The following CLTC variants were observed in gnomAD, a reference collection of about 807,000 sequenced individuals.
CLTC encodes clathrin heavy chain 1.
Under a neutral mutation model 195.8 loss-of-function variants are expected in CLTC, and 16 were observed. The observed-to-expected ratio is 0.08, with a 90% confidence interval of 0.06 to 0.12. The LOEUF (loss-of-function observed/expected upper bound fraction) is 0.12. Ranked by LOEUF, CLTC falls within the 10% of genes least tolerant of loss-of-function variation. The pLI is 1.00. For missense variants in CLTC, 796 were observed against 2,027.0 expected (o/e 0.39, Z 11.66); for synonymous variants, 667 against 689.4 (o/e 0.97, Z 0.51).
intron 5 of CLTC, among the ~76,000 whole-genome samples, chr17:59,654,516 T>C (rs2032415351): frequency 6.6e-6 from 1 of 152,070 alleles, no homozygotes; most frequent in Non-Finnish European, 1.5e-5. Flanking sequence ...AATCTCACTC[T>C]GTCGCCCAGG....
chr17:59,623,899 A>G (rs1162826827), intron 1 of CLTC, among the ~76,000 whole-genome samples: 1 of 152,210 alleles, frequency 6.6e-6, no homozygotes. Context: ...ACATGTGACA[A>G]TTGACTCCTA....
At chr17:59,674,874 C>T (rs1269666928) in intron 16 of CLTC, 31 bp downstream of exon 16, 1 of 1,597,016 alleles carries the variant, frequency 6.3e-7, no homozygotes, top group Non-Finnish European at 8.5e-7. Flanking sequence ...GGATAAGTTA[C>T]TCTTTCTTAA....
chr17:59,655,117 A>G (rs747787386), intron 5 of CLTC, among the ~76,000 whole-genome samples: 3 of 152,268 alleles, frequency 2.0e-5, no homozygotes, highest in Non-Finnish European at 4.4e-5. Context: ...CATTCAGCCT[A>G]TCTTGGCCTT....
intron 9 of CLTC, among the ~76,000 whole-genome samples, chr17:59,664,420 G>A (rs2032676599): frequency 6.6e-6 from 1 of 151,974 alleles, no homozygotes; most frequent in South Asian, 2.1e-4. Flanking sequence ...AGGCGTGGTG[G>A]TGTGTCTGTG....
intron 31 of CLTC, among the ~76,000 whole-genome samples, chr17:59,692,496 C>G (rs1043625807): frequency 6.6e-6 from 1 of 152,160 alleles, no homozygotes; most frequent in African/African-American, 2.4e-5. Flanking sequence ...CTTGTTTTCG[C>G]TCTCTAAGCC....
chr17:59,630,645 T>C (rs2031685865), intron 1 of CLTC, among the ~76,000 whole-genome samples: 1 of 152,354 alleles, frequency 6.6e-6, no homozygotes, highest in African/African-American at 2.4e-5. Context: ...CTGTTCTGGA[T>C]ATTTCACATA....
Position 59,693,970 on chromosome 17 carries a change from G to T in CLTC, c.*118G>T. ...GTTCTTGTAACCTTTATTTCATGAA[G>T]GACTTCTTTTTGTTTCTAACTATAA... On this transcript the variant is annotated 3_prime_UTR_variant, in exon 32 of 32. Coordinates refer to ENST00000269122, the MANE Select transcript of CLTC (RefSeq NM_004859.4). The T allele has an allele frequency of 9.1e-7, 1 of 1,098,982 alleles. No individual in the cohort carries two copies. Among genetic ancestry groups the T allele is most frequent in the Non-Finnish European group, 1.2e-6 (1 of 819,222 alleles). 68.1% of individuals were successfully genotyped at this position (1,098,982 alleles called of 1,614,324 possible).
chr17:59,636,932 C>CTTTTTTTTTTTTTT (rs771908096), intron 1 of CLTC, among the ~76,000 whole-genome samples: 8 of 103,670 alleles, frequency 7.7e-5, no homozygotes, highest in African/African-American at 1.1e-4. Flanking sequence ...CCGGCTAATT[C>CTTTTTTTTTTTTTT]TTTTTTTTTT....
Position 59,636,788 on chromosome 17 carries a change from G to A in CLTC, c.43-7488G>A, listed in dbSNP as rs150109267. ...TCTTTCTTTTTCTTTTTGAGATGGA[G>A]TTTCACTCTTGTTGCCCAGGCTGGA... On this transcript the variant is annotated intron_variant, in intron 1 of 31. Coordinates refer to ENST00000269122, the MANE Select transcript of CLTC (RefSeq NM_004859.4). Among the ~76,000 whole-genome samples, 124 of 150,950 alleles carry A rather than the reference G, an allele frequency of 8.2e-4. 2 individuals are homozygous for A. In the East Asian group the frequency reaches 0.022, roughly 26 times the overall value.
At chr17:59,687,458 T>C (rs372800811) in intron 30 of CLTC, among the ~76,000 whole-genome samples, 5 of 151,774 alleles carry the variant, frequency 3.3e-5, no homozygotes, top group Non-Finnish European at 7.4e-5. Flanking sequence ...TATATATGTA[T>C]ATATACATGC....
rs986741994 is a variant in CLTC at position 59,693,959 on chromosome 17, T to C, written c.*107T>C. 15 of 1,190,174 alleles carry C rather than the reference T, an allele frequency of 1.3e-5. No individual in the cohort carries two copies. The highest frequency in any genetic ancestry group is 1.7e-5 in the Non-Finnish European group (15 of 894,458). The allele number at this position is 1,190,174 out of a possible 1,614,324, so 73.7% of individuals were successfully genotyped here. Reference sequence around the variant, plus strand: ...ACAGGCAACGTGTTCTTGTAACCTTTATTTCATGAAGGACTTCTTTTTGTT... The same window carrying C: ...ACAGGCAACGTGTTCTTGTAACCTTCATTTCATGAAGGACTTCTTTTTGTT... On this transcript the variant is annotated 3_prime_UTR_variant, in exon 32 of 32. Transcript: ENST00000269122.
intron 30 of CLTC, chr17:59,689,491 GT>G: frequency 6.6e-6 from 1 of 151,988 alleles, no homozygotes; most frequent in East Asian, 1.9e-4. Context: ...TTCATAAAGT[GT>G]TTCCCCCTGC....
chr17:59,623,701 C>G (rs919762533), intron 1 of CLTC, among the ~76,000 whole-genome samples: 1 of 152,098 alleles, frequency 6.6e-6, no homozygotes, highest in Non-Finnish European at 1.5e-5. Context: ...TTATATTTAA[C>G]AAGGTGTTTT....
intron 5 of CLTC, among the ~76,000 whole-genome samples, chr17:59,651,604 A>G (rs940754954): frequency 6.6e-6 from 1 of 152,226 alleles, no homozygotes; most frequent in African/African-American, 2.4e-5. Flanking sequence ...ACTTAACACT[A>G]TGCTGTAGTC....
intron 5 of CLTC, among the ~76,000 whole-genome samples, chr17:59,654,872 C>T (rs978925849): frequency 1.3e-5 from 2 of 152,094 alleles, no homozygotes; most frequent in Non-Finnish European, 2.9e-5. Flanking sequence ...GCCTGCAAAA[C>T]ATTATCTCAA....
intron 1 of CLTC, among the ~76,000 whole-genome samples, chr17:59,642,912 CTTATG>C (rs1271394298): frequency 6.6e-6 from 1 of 152,094 alleles, no homozygotes; most frequent in Non-Finnish European, 1.5e-5. Flanking sequence ...GCCTTGTAGT[CTTATG>C]TTATATCTTA....
At chr17:59,658,270 T>C (rs1378092335) in intron 6 of CLTC, among the ~76,000 whole-genome samples, 2 of 152,034 alleles carry the variant, frequency 1.3e-5, no homozygotes, top group Non-Finnish European at 2.9e-5. Flanking sequence ...ACTCCTGGGC[T>C]CAAGCGATCC....
intron 1 of CLTC, among the ~76,000 whole-genome samples, chr17:59,641,839 C>G (rs1240650075): frequency 6.6e-6 from 1 of 151,626 alleles, no homozygotes; most frequent in African/African-American, 2.4e-5. Context: ...AAAGCCAGAT[C>G]TTTTATTTAC....
Position 59,666,625 on chromosome 17 carries a change from C to T in CLTC, c.1928C>T (p.Thr643Ile). 6.2e-7 allele frequency: 1 copy of T among 1,613,212 alleles called. No homozygotes were observed. Among genetic ancestry groups the T allele is most frequent in the Non-Finnish European group, 8.5e-7 (1 of 1,179,456 alleles). The part of the protein sequence containing the change: ...LYDIKRAVVH[T>I]HLLNPEWLVN... Reference sequence around the variant, plus strand: ...GATATAAAACGTGCAGTGGTTCACACCCATCTTCTTAACCCTGAGGTATTT... The same window carrying T: ...GATATAAAACGTGCAGTGGTTCACATCCATCTTCTTAACCCTGAGGTATTT... The change falls in exon 12 of 32, where the codon ACC becomes ATC. Residue 643 changes from threonine to isoleucine, a missense_variant. Transcript: ENST00000269122. This position sits in a 1 kb window ranked among gnomAD's most constrained non-coding sequence, Gnocchi z 4.9.
Sources: gnomAD v4.1 joint callset for allele counts (sites outside exome capture counted in the v4.1 genomes callset) on GRCh38, gnomAD v4.1.1 for gene constraint, Gnocchi (gnomAD v3.1) non-coding constraint, MANE v1.5 for transcripts, NCBI Gene and HGNC (gene_info 2026-07-23, HGNC 2026-07-21) for gene names.